Variants in INPP5K observed in about 807,000 individuals in gnomAD.
INPP5K encodes the protein inositol polyphosphate-5-phosphatase K.
Under a neutral mutation model 53.5 loss-of-function variants are expected in INPP5K, and 35 were observed. The observed-to-expected ratio is 0.65, with a 90% CI of 0.50 to 0.87. The LOEUF is 0.87. Ranked by LOEUF, INPP5K falls within the 40% of genes least tolerant of loss-of-function variation. The probability of loss-of-function intolerance (pLI) is 0.00; values close to 1 mark genes in which losing one functional copy is unlikely to be tolerated. For synonymous variants in INPP5K, 253 were observed against 232.8 expected (o/e 1.09, Z -0.79); for missense variants, 550 against 586.2 (o/e 0.94, Z 0.64).
At chr17:1,500,367 G>GTTTT (rs753820335) in intron 7 of INPP5K, among the ~76,000 whole-genome samples, 3 of 145,234 alleles carry the variant, frequency 2.1e-5, no homozygotes, top group Non-Finnish European at 1.5e-5. Flanking sequence ...TGCTTCCAAA[G>GTTTT]TTTTTTTTTT....
Position 1,507,278 on chromosome 17 carries a change from G to A in INPP5K, c.667-189C>T, listed in dbSNP as rs146536273. The A allele has an allele frequency of 6.3e-4, 363 of 573,052 alleles. 4 individuals are homozygous for A. In the East Asian group the frequency reaches 0.01, roughly 16 times the overall value. The allele number at this position is 573,052 out of a possible 1,614,324, so 35.5% of individuals were successfully genotyped here. Reference sequence around the variant, plus strand: ...CACCAGAAAGCAGGCGAATCCTTTCGGAAACATTACCAAGGCCCAGGGGAG... The same window carrying A: ...CACCAGAAAGCAGGCGAATCCTTTCAGAAACATTACCAAGGCCCAGGGGAG... On this transcript the variant is annotated intron_variant, in intron 6 of 11. Transcript: ENST00000421807.
chr17:1,499,935 C>A (rs151145225), intron 7 of INPP5K, among the ~76,000 whole-genome samples: 1 of 152,244 alleles, frequency 6.6e-6, no homozygotes. Context: ...TGTGTTGAAT[C>A]CTATCTACCT....
chr17:1,499,086 G>A (rs1007611861), intron 7 of INPP5K, among the ~76,000 whole-genome samples: 7 of 152,188 alleles, frequency 4.6e-5, no homozygotes, highest in Admixed American at 3.3e-4. Context: ...GCCTGCCAGT[G>A]GAGGGAATAA....
At chr17:1,501,094 G>A (rs376108163) in intron 7 of INPP5K, among the ~76,000 whole-genome samples, 3 of 151,976 alleles carry the variant, frequency 2.0e-5, no homozygotes, top group East Asian at 3.9e-4. Context: ...AAGTAGCTGG[G>A]ATTATAGGCG....
intron 5 of INPP5K, chr17:1,508,551 C>T (rs755665671): frequency 9.6e-5 from 34 of 353,766 alleles, no homozygotes; most frequent in Non-Finnish European, 1.5e-4. Flanking sequence ...TTGACCTGTT[C>T]CCAAGTGTTC....
At chr17:1,505,563 C>G (rs1260173656) in intron 7 of INPP5K, among the ~76,000 whole-genome samples, 1 of 152,170 alleles carries the variant, frequency 6.6e-6, no homozygotes, top group East Asian at 1.9e-4. Flanking sequence ...TCCACTGCCT[C>G]CTCTTCTGTG....
At chr17:1,508,285 A>G (rs2075213237) in intron 5 of INPP5K, 59 bp from the exon 6 acceptor site, 13 of 1,369,704 alleles carry the variant, frequency 9.5e-6, no homozygotes, top group Admixed American at 1.7e-5. Flanking sequence ...AAGGGAGATC[A>G]CCAGGTGGCT....
At chr17:1,515,118 G>A (rs1409768870) in intron 1 of INPP5K, among the ~76,000 whole-genome samples, 1 of 152,062 alleles carries the variant, frequency 6.6e-6, no homozygotes, top group African/African-American at 2.4e-5. Flanking sequence ...TGTTGGCCAG[G>A]CTGGTCCTGA....
chr17:1,515,845 G>A (rs1323728128), intron 1 of INPP5K: 3 of 922,738 alleles, frequency 3.3e-6, no homozygotes, highest in Non-Finnish European at 3.9e-6. Flanking sequence ...GAGGCTTAAG[G>A]AACAAAGACC....
chr17:1,502,120 C>T (rs1026470763), intron 7 of INPP5K, among the ~76,000 whole-genome samples: 51 of 151,836 alleles, frequency 3.4e-4, no homozygotes, highest in Admixed American at 1.7e-3. Flanking sequence ...GAGGCCAAGG[C>T]GGGCAGATCA....
Position 1,496,127 on chromosome 17 carries a change from T to C in INPP5K, c.1223A>G (p.Asp408Gly). The change falls in exon 11 of 12, where the codon GAT becomes GGT. Residue 408 changes from aspartate to glycine, a missense_variant. By Grantham distance (94) the Asp-to-Gly change is moderately conservative (BLOSUM62 -1). Transcript: ENST00000421807. ...IDISNIPTTEDEFLLCYYSNS... is the reference protein window; with the variant it reads ...IDISNIPTTEGEFLLCYYSNS... ...GCTGTAGTAACAGAGGAGAAACTCA[T>C]CTTCAGTGGTAGGGATATTGCTGAT... 3.7e-6 allele frequency: 6 copies of C among 1,613,480 alleles called. No homozygotes were observed. Among genetic ancestry groups the C allele is most frequent in the Non-Finnish European group, 5.1e-6 (6 of 1,179,468 alleles).
chr17:1,496,592 A>G lies in INPP5K; in HGVS notation c.1101+74T>C, dbSNP rs143907039. On this transcript the variant is annotated intron_variant, in intron 9 of 11. Coordinates refer to ENST00000421807, the MANE Select transcript of INPP5K (RefSeq NM_016532.4). ...AGGGTGAGTTCGTCAGCATCTGCCC[A>G]GCTCCCAGGAGCCCTCGGGAAGGAT... 2,666 of 1,573,648 alleles carry G rather than the reference A, an allele frequency of 1.7e-3. 49 individuals are homozygous for G. The African/African-American group carries it at 0.032, about 19-fold the overall frequency.
Position 1,506,315 on chromosome 17 carries a change from G to A in INPP5K, c.776+665C>T, listed in dbSNP as rs537523209. ...GCTGGGATTACAGGTGTGAGCCACC[G>A]CGCCCAGCCGGCATGAATCGAAAAG... On this transcript the variant is annotated intron_variant, in intron 7 of 11. Coordinates refer to ENST00000421807, the MANE Select transcript of INPP5K (RefSeq NM_016532.4). 3.9e-4 allele frequency among the ~76,000 whole-genome samples: 59 copies of A among 152,242 alleles called. No individual in the cohort carries two copies. In the South Asian group the frequency reaches 0.011, roughly 29 times the overall value.
chr17:1,496,472 AT>A, intron 9 of INPP5K, 70 bp from the exon 10 acceptor site: 2 of 1,387,708 alleles, frequency 1.4e-6, no homozygotes, highest in Non-Finnish European at 2.0e-6. Context: ...TAAGGAAGAG[AT>A]GGTCTCCCTG....
chr17:1,510,629 C>A (rs1429568023), intron 3 of INPP5K: 1 of 152,048 alleles, frequency 6.6e-6, no homozygotes, highest in East Asian at 1.9e-4. Flanking sequence ...TGCCCCCATT[C>A]CTCCCTTTTT....
At chr17:1,505,623 G>A (rs994744272) in intron 7 of INPP5K, among the ~76,000 whole-genome samples, 15 of 151,754 alleles carry the variant, frequency 9.9e-5, no homozygotes, top group African/African-American at 3.1e-4. Flanking sequence ...CTGCTGAATC[G>A]GCTCACTCTT....
At chr17:1,499,915 C>T (rs1000146033) in intron 7 of INPP5K, among the ~76,000 whole-genome samples, 1 of 152,256 alleles carries the variant, frequency 6.6e-6, no homozygotes, top group African/African-American at 2.4e-5. Flanking sequence ...GATCGATCGA[C>T]AGGTCTCACT....
chr17:1,507,496 C>T (rs1369757078), intron 6 of INPP5K: 2 of 193,078 alleles, frequency 1.0e-5, no homozygotes, highest in African/African-American at 2.3e-5. Flanking sequence ...GATGGGCTGA[C>T]GCATGATGGT....
chr17:1,513,797 G>T, intron 2 of INPP5K, 75 bp downstream of exon 2: 1 of 1,163,764 alleles, frequency 8.6e-7, no homozygotes, highest in Non-Finnish European at 1.3e-6. Flanking sequence ...GAGCGGAGGA[G>T]GGCAGGTCAC....
Sources: allele counts gnomAD v4.1 joint callset (sites outside exome capture counted in the v4.1 genomes callset), GRCh38; gene constraint gnomAD v4.1.1; transcripts MANE v1.5; gene names NCBI Gene and HGNC (gene_info 2026-07-23, HGNC 2026-07-21).